CDH18: variants seen among roughly 807,000 people sequenced by gnomAD.
CDH18 encodes cadherin 18, also known as cadherin-18.
CDH18 carries 31 observed loss-of-function variants against 67.9 expected under a neutral mutation model. That is an observed-to-expected ratio of 0.46 (90% CI 0.34 to 0.62). The LOEUF (loss-of-function observed/expected upper bound fraction) is 0.62, where lower values mean the gene tolerates loss of function less well. Ranked by LOEUF, CDH18 falls within the 20% of genes least tolerant of loss-of-function variation. The pLI is 0.01. For synonymous variants in CDH18, 362 were observed against 347.2 expected (o/e 1.04, Z -0.48); for missense variants, 890 against 975.5 (o/e 0.91, Z 1.17).
intron 2 of CDH18, among the ~76,000 whole-genome samples, chr5:20,228,660 C>G (rs74603216): frequency 0.011 from 1,688 of 152,054 alleles, 31 homozygotes; most frequent in African/African-American, 0.038. Flanking sequence ...TCTAATCTTG[C>G]CTTTTATGAG....
chr5:19,757,067 A>AGACCCAT (rs1263834233), intron 3 of CDH18, among the ~76,000 whole-genome samples: 1 of 152,204 alleles, frequency 6.6e-6, no homozygotes, highest in Non-Finnish European at 1.5e-5. Context: ...ATGATGGGAA[A>AGACCCAT]CATGGTAAGA....
intron 2 of CDH18, among the ~76,000 whole-genome samples, chr5:19,876,871 T>C (rs6876187): frequency 4.0e-4 from 61 of 152,244 alleles, no homozygotes; most frequent in Non-Finnish European, 6.3e-4. Flanking sequence ...AAGGTGGCTA[T>C]ACAACTCAGT....
Position 19,560,572 on chromosome 5 carries a change from T to C in CDH18, c.1253+11007A>G, listed in dbSNP as rs182125710. Among the ~76,000 whole-genome samples the C allele has an allele frequency of 2.1e-3, 326 of 152,134 alleles. 2 individuals are homozygous for C. Among genetic ancestry groups the C allele is most frequent in the African/African-American group, 7.1e-3 (296 of 41,532 alleles). ...ACCATAAAATTTCTAGAAGATAACA[T>C]TGGAAAAGTCCTTCTAGAAAATGGC... On this transcript the variant is annotated intron_variant, in intron 8 of 12. Coordinates refer to ENST00000382275, the MANE Select transcript of CDH18 (RefSeq NM_004934.5).
chr5:20,393,154 G>A (rs79321734), intron 1 of CDH18, among the ~76,000 whole-genome samples: 3,422 of 151,954 alleles, frequency 0.023, 87 homozygotes, highest in African/African-American at 0.059. Context: ...TCAAGAAACT[G>A]AATAAACAAG....
chr5:20,438,666 G>C (rs544691741), intron 1 of CDH18, among the ~76,000 whole-genome samples: 1 of 151,414 alleles, frequency 6.6e-6, no homozygotes, highest in South Asian at 2.1e-4. Context: ...GAAGAATGTG[G>C]CTCATTTCAT....
chr5:19,927,518 A>G (rs1561574610), intron 2 of CDH18, among the ~76,000 whole-genome samples: 1 of 152,150 alleles, frequency 6.6e-6, no homozygotes, highest in Non-Finnish European at 1.5e-5. Context: ...TATAGACAGT[A>G]CCTTAATAAT....
chr5:20,487,832 C>T (rs573334309), intron 1 of CDH18, among the ~76,000 whole-genome samples: 1 of 151,984 alleles, frequency 6.6e-6, no homozygotes, highest in East Asian at 1.9e-4. Context: ...ATCACATCTC[C>T]ATGACAATAT....
chr5:19,925,764 T>C (rs371158936), intron 2 of CDH18, among the ~76,000 whole-genome samples: 14 of 152,056 alleles, frequency 9.2e-5, no homozygotes, highest in African/African-American at 3.1e-4. Flanking sequence ...GTATTTTAAG[T>C]GGATACTCAC....
chr5:20,533,022 C>T (rs145325402), intron 1 of CDH18, among the ~76,000 whole-genome samples: 4 of 151,932 alleles, frequency 2.6e-5, no homozygotes, highest in South Asian at 2.1e-4. Flanking sequence ...ATCTTTCCAG[C>T]GGTGATCAAG....
At chr5:19,543,038 T>C (rs1750522524) in intron 9 of CDH18, among the ~76,000 whole-genome samples, 1 of 152,144 alleles carries the variant, frequency 6.6e-6, no homozygotes, top group Admixed American at 6.6e-5. Flanking sequence ...ATCTCTAATA[T>C]ATTCATGGTT....
rs184866425 is a variant in CDH18 at position 20,160,317 on chromosome 5, A to G, written c.-518+95127T>C. ...CTGAACCTGAGTCAAAGACTAATCC[A>G]AGAAACTTTCTACCTAAGACTGAAA... On this transcript the variant is annotated intron_variant, in intron 2 of 14. Coordinates refer to the CDH18 transcript ENST00000507958. Among the ~76,000 whole-genome samples, 423 of 152,314 alleles carry G rather than the reference A, an allele frequency of 2.8e-3. 1 individual carries two copies. Among genetic ancestry groups the G allele is most frequent in the African/African-American group, 9.4e-3 (389 of 41,588 alleles).
chr5:20,266,571 A>ATTTTTTTTTTTTTTTTTTTTTTTTTT (rs34718835), intron 1 of CDH18, among the ~76,000 whole-genome samples: 14 of 59,184 alleles, frequency 2.4e-4, no homozygotes, highest in East Asian at 2.1e-3. Flanking sequence ...GCCCGGCTGA[A>ATTTTTTTTTTTTTTTTTTTTTTTTTT]TTTTTTTTTT....
At chr5:20,465,360 A>T (rs559894248) in intron 1 of CDH18, among the ~76,000 whole-genome samples, 54 of 152,148 alleles carry the variant, frequency 3.5e-4, no homozygotes, top group Non-Finnish European at 7.1e-4. Flanking sequence ...CTTTCAAACA[A>T]CCAACAACTG....
chr5:19,731,167 C>T (rs1039276806), intron 4 of CDH18, among the ~76,000 whole-genome samples: 4 of 152,040 alleles, frequency 2.6e-5, no homozygotes, highest in Non-Finnish European at 5.9e-5. Context: ...ATGTCATCTT[C>T]GGCCAGGCGC....
intron 2 of CDH18, among the ~76,000 whole-genome samples, chr5:20,147,557 A>G (rs1750749503): frequency 6.6e-6 from 1 of 152,198 alleles, no homozygotes; most frequent in Non-Finnish European, 1.5e-5. Flanking sequence ...AACAGTCCGT[A>G]CACAATGGCA....
chr5:20,260,103 C>T (rs531520652), intron 1 of CDH18, among the ~76,000 whole-genome samples: 5 of 151,850 alleles, frequency 3.3e-5, no homozygotes, highest in South Asian at 4.2e-4. Context: ...ATTTTCTCAA[C>T]CAAGAGCCAT....
At chr5:20,259,978 A>C (rs2126629246) in intron 1 of CDH18, among the ~76,000 whole-genome samples, 1 of 152,130 alleles carries the variant, frequency 6.6e-6, no homozygotes, top group South Asian at 2.1e-4. Flanking sequence ...ACAAACAAAA[A>C]AAAAATTGAG....
At chr5:19,543,044 T>C (rs868610253) in intron 9 of CDH18, among the ~76,000 whole-genome samples, 19 of 152,266 alleles carry the variant, frequency 1.2e-4, no homozygotes, top group Admixed American at 4.6e-4. Flanking sequence ...AATATATTCA[T>C]GGTTTTTTTC....
chr5:19,773,581 T>C (rs1000345583), intron 3 of CDH18, among the ~76,000 whole-genome samples: 2 of 152,168 alleles, frequency 1.3e-5, no homozygotes, highest in Admixed American at 6.5e-5. Flanking sequence ...AAGGAAGTAG[T>C]TGAGTCAAGG....
Sources: allele counts gnomAD v4.1 joint callset (sites outside exome capture counted in the v4.1 genomes callset), GRCh38; gene constraint gnomAD v4.1.1; transcripts MANE v1.5; gene names NCBI Gene and HGNC (gene_info 2026-07-23, HGNC 2026-07-21).